MUC4: variants seen among roughly 807,000 people sequenced by gnomAD.
MUC4 encodes mucin 4, cell surface associated.
A neutral mutation model predicts 257.9 loss-of-function variants in MUC4; 202 were observed. That is an observed-to-expected ratio of 0.78 (90% CI 0.70 to 0.88). The LOEUF (loss-of-function observed/expected upper bound fraction) is 0.88, where lower values mean the gene tolerates loss of function less well. MUC4 is among the 40% of genes least tolerant of loss of function. The pLI is 0.00. For synonymous variants in MUC4, 2,351 were observed against 2,757.1 expected (o/e 0.85, Z 4.62); for missense variants, 5,976 against 6,513.7 (o/e 0.92, Z 2.84).
In MUC4 at chr3:195,782,607, G is replaced by T. The variant is rs1367578162; in HGVS notation, c.8973C>A (p.Thr2991=). 2 of 908,746 alleles carry T rather than the reference G, an allele frequency of 2.2e-6. No homozygotes were observed. The highest frequency in any genetic ancestry group is 1.6e-5 in the South Asian group (1 of 61,840). The allele number at this position is 908,746 out of a possible 1,614,324, so 56.3% of individuals were successfully genotyped here. A position where few individuals can be genotyped will look rare whatever the true frequency, so the allele number is the denominator to read the frequency against. The part of the protein sequence containing the change: ...DTSSASTGHA[T]LLPVTDTSSA... ...AGGAAGTGTCGGTGACAGGAAGAAG[G>T]GTGGCGTGACCTGTGGATGCTGAGG... The change falls in exon 2 of 25, where the codon ACC becomes ACA. Residue 2991 remains threonine, a synonymous_variant. Coordinates refer to ENST00000463781, the MANE Select transcript of MUC4 (RefSeq NM_018406.7).
At chr3:195,799,814 G>T (rs1735069327) in intron 1 of MUC4, among the ~76,000 whole-genome samples, 1 of 152,146 alleles carries the variant, frequency 6.6e-6, no homozygotes, top group African/African-American at 2.4e-5. Flanking sequence ...AATTTTTCAT[G>T]TTATTAATAC....
chr3:195,804,420 T>C (rs149658642), intron 1 of MUC4, among the ~76,000 whole-genome samples: 1,808 of 152,276 alleles, frequency 0.012, 38 homozygotes, highest in African/African-American at 0.041. Context: ...GGCAGCAGTA[T>C]GAGTGACGCT....
At chr3:195,768,305 G>A (rs896712919) in intron 7 of MUC4, among the ~76,000 whole-genome samples, 3 of 152,188 alleles carry the variant, frequency 2.0e-5, no homozygotes, top group Admixed American at 1.3e-4. Context: ...CAAAAGACAT[G>A]TGGCCTTCGT....
intron 7 of MUC4, among the ~76,000 whole-genome samples, chr3:195,767,537 CCAT>C (rs1425723902): frequency 0.022 from 2,870 of 129,102 alleles, 270 homozygotes; most frequent in African/African-American, 0.098. Context: ...ATCGCCACCA[CCAT>C]CATCACCATC....
At chr3:195,800,842 G>T (rs971139828) in intron 1 of MUC4, among the ~76,000 whole-genome samples, 1 of 149,280 alleles carries the variant, frequency 6.7e-6, no homozygotes, top group Non-Finnish European at 1.5e-5. Context: ...ATTCCTTGAG[G>T]CCAGGAGTTT....
In MUC4 at chr3:195,791,292, C is replaced by G; in HGVS notation, c.288G>C (p.Met96Ile). ...GGGAAGAAAAAAGAGTTGATGTCAT[C>G]ATCTGCGTGAGGGTGTCGGTTTGAG... ...SKAQTDTLTQ[M>I]MTSTLFSSPS... Residue 96 changes from methionine to isoleucine, a missense_variant, in exon 2 of 25, where the codon ATG (methionine) becomes ATC (isoleucine). By Grantham distance (10) the Met-to-Ile change is conservative (BLOSUM62 1). Around this residue, in one of 44 missense-constraint regions of MUC4, gnomAD observed 1,583 missense variants for 1,257.4 expected, o/e 1.26. Coordinates refer to ENST00000463781, the MANE Select transcript of MUC4 (RefSeq NM_018406.7). 6.2e-7 allele frequency: 1 copy of G among 1,613,394 alleles called. No homozygotes were observed.
chr3:195,760,607 G>GGCGTCCAGCACTAGGATGGAGTGGA (rs1718662109), intron 16 of MUC4, among the ~76,000 whole-genome samples: 1 of 53,730 alleles, frequency 1.9e-5, no homozygotes, highest in Non-Finnish European at 3.9e-5. Flanking sequence ...ATGGAGTGAA[G>GGCGTCCAGCACTAGGATGGAGTGGA]GGGGCTGGGA....
chr3:195,770,196 C>T lies in MUC4; in HGVS notation c.13398+20G>A. 2 of 1,550,916 alleles carry T rather than the reference C, an allele frequency of 1.3e-6. No individual in the cohort carries two copies. The highest frequency in any genetic ancestry group is 1.7e-6 in the Non-Finnish European group (2 of 1,151,850). Reference sequence around the variant, plus strand: ...CTGACTCCCAGATAGCTCCTGGGAGCTGCCCAGGGGTCTACTCACCCCGAG... The same window carrying T: ...CTGACTCCCAGATAGCTCCTGGGAGTTGCCCAGGGGTCTACTCACCCCGAG... On this transcript the variant is annotated intron_variant, in intron 6 of 24. Coordinates refer to ENST00000463781, the MANE Select transcript of MUC4 (RefSeq NM_018406.7).
rs1736545343 is a variant in MUC4 at position 195,810,364 on chromosome 3, C to G, written c.82+1372G>C. On this transcript the variant is annotated intron_variant, in intron 1 of 24. Transcript: ENST00000463781. This position sits in a 1 kb window ranked among gnomAD's most constrained non-coding sequence, Gnocchi z 4.2. The stretch of plus-strand genomic sequence containing the variant: ...CAGGGCAGGAGCTGAGACTCTAACC[C>G]CAGCTTGAACTCTGGACCCCAGACT... 1 of 152,342 alleles carries G rather than the reference C, an allele frequency of 6.6e-6. No homozygotes were observed. Among genetic ancestry groups the G allele is most frequent in the Non-Finnish European group, 1.5e-5 (1 of 68,160 alleles). The allele number at this position is 152,342 out of a possible 1,614,324, so 9.4% of individuals were successfully genotyped here.
intron 4 of MUC4, among the ~76,000 whole-genome samples, chr3:195,773,637 ACCCTCTCGC>A (rs1723675504): frequency 8.8e-6 from 1 of 113,234 alleles, no homozygotes; most frequent in Non-Finnish European, 2.0e-5. Flanking sequence ...AGGTGTGGAC[ACCCTCTCGC>A]CATCGCTCAG....
chr3:195,763,566 A>C lies in MUC4; in HGVS notation c.14120T>G (p.Leu4707Arg). 6.3e-7 allele frequency: 1 copy of C among 1,593,988 alleles called. No homozygotes were observed. The highest frequency in any genetic ancestry group is 8.6e-7 in the Non-Finnish European group (1 of 1,169,394). ...GTTCCCGTCTTGGGCCCCGACCAGC[A>C]GGAAGTCCCCCAGCCCATTGAAGGT... is the stretch of plus-strand genomic sequence containing the variant. ...SYTFNGLGDFLLVGAQDGNSS... is the reference protein window; with the variant it reads ...SYTFNGLGDFRLVGAQDGNSS... Residue 4707 changes from leucine to arginine, a missense_variant, in exon 12 of 25, where the codon CTG becomes CGG. Coordinates refer to ENST00000463781, the MANE Select transcript of MUC4 (RefSeq NM_018406.7).
chr3:195,780,851 C>G lies in MUC4; in HGVS notation c.10729G>C (p.Val3577Leu), dbSNP rs1727333612. Residue 3577 changes from valine to leucine, a missense_variant, in exon 2 of 25, where the codon GTA becomes CTA. Coordinates refer to ENST00000463781, the MANE Select transcript of MUC4 (RefSeq NM_018406.7). ...TPLPVTSLSS[V>L]STGDTTPLLV... ...AGAGGGGTGGTGTCACCTGTGGATA[C>G]TGAGGAAAGGCTGGTGACAGGAAGA... 1 of 1,464,912 alleles carries G rather than the reference C, an allele frequency of 6.8e-7. No individual in the cohort carries two copies. The highest frequency in any genetic ancestry group is 9.1e-7 in the Non-Finnish European group (1 of 1,098,348). 90.7% of individuals were successfully genotyped at this position (1,464,912 alleles called of 1,614,324 possible). A position where few individuals can be genotyped will look rare whatever the true frequency, so the allele number is the denominator to read the frequency against.
chr3:195,786,347 G>T lies in MUC4; in HGVS notation c.5233C>A (p.Leu1745Ile), dbSNP rs774659748. 4.6e-6 allele frequency: 7 copies of T among 1,521,548 alleles called. No homozygotes were observed. The highest frequency in any genetic ancestry group is 2.8e-5 in the African/African-American group (2 of 71,458). 94.3% of individuals were successfully genotyped at this position (1,521,548 alleles called of 1,614,324 possible). A position where few individuals can be genotyped will look rare whatever the true frequency, so the allele number is the denominator to read the frequency against. Reference sequence around the variant, plus strand: ...GCTGAGGAAGCGTCAGTGACAAGAAGAGGGCTGGCGTGACCTGTGGATGCT... The same window carrying T: ...GCTGAGGAAGCGTCAGTGACAAGAATAGGGCTGGCGTGACCTGTGGATGCT... ...SSASTGHASP[L>I]LVTDASSAST... Residue 1745 changes from leucine to isoleucine, a missense_variant, in exon 2 of 25, where the codon CTT becomes ATT. Transcript: ENST00000463781.
chr3:195,748,331 A>C (rs1364319656), intron 24 of MUC4, among the ~76,000 whole-genome samples: 1 of 152,284 alleles, frequency 6.6e-6, no homozygotes, highest in African/African-American at 2.4e-5. Flanking sequence ...TGGGAGGCCA[A>C]GGTGGACGGA....
chr3:195,756,445 C>A (rs1717658401), intron 18 of MUC4, among the ~76,000 whole-genome samples: 1 of 152,220 alleles, frequency 6.6e-6, no homozygotes, highest in African/African-American at 2.4e-5. Flanking sequence ...GCCAACCTGG[C>A]AGAAGGGGAG....
At chr3:195,770,744 C>G in intron 5 of MUC4, 1 of 428,426 alleles carries the variant, frequency 2.3e-6, no homozygotes, top group South Asian at 1.8e-5. Flanking sequence ...AGCCTCCACA[C>G]TGCCCTGTCC....
At position 195,811,833 on chromosome 3, in the gene MUC4, C is replaced by T. The variant is rs1736789337; in HGVS notation, c.-16G>A. On this transcript the variant is annotated 5_prime_UTR_variant, in exon 1 of 25. Coordinates refer to ENST00000463781, the MANE Select transcript of MUC4 (RefSeq NM_018406.7). Reference sequence around the variant, plus strand: ...CCCCCTTCATGGCTGCGGCAAAAGTCCCCCTGGCTCCCTGGGGAAGCTCCA... The same window carrying T: ...CCCCCTTCATGGCTGCGGCAAAAGTTCCCCTGGCTCCCTGGGGAAGCTCCA... 1 of 1,612,404 alleles carries T rather than the reference C, an allele frequency of 6.2e-7. No homozygotes were observed. Among genetic ancestry groups the T allele is most frequent in the South Asian group, 1.1e-5 (1 of 90,996 alleles).
chr3:195,796,082 A>G (rs1268522357), intron 1 of MUC4, among the ~76,000 whole-genome samples: 2 of 151,984 alleles, frequency 1.3e-5, no homozygotes, highest in African/African-American at 4.8e-5. Context: ...TATTTATTTA[A>G]TTTTATTTAT....
intron 1 of MUC4, among the ~76,000 whole-genome samples, chr3:195,802,728 G>A (rs185065135): frequency 6.3e-4 from 96 of 152,314 alleles, no homozygotes; most frequent in African/African-American, 2.1e-3. Flanking sequence ...CTTCCAGCGC[G>A]TCTGTGTGCG....
Sources: allele counts gnomAD v4.1 joint callset (sites outside exome capture counted in the v4.1 genomes callset), GRCh38; gene constraint gnomAD v4.1.1; regional missense constraint gnomAD v4.1.1; non-coding constraint Gnocchi (gnomAD v3.1); transcripts MANE v1.5; gene names NCBI Gene and HGNC (gene_info 2026-07-23, HGNC 2026-07-21).